Variants in MTDH observed in about 807,000 individuals in gnomAD.
MTDH encodes the protein metadherin.
Under a neutral mutation model 72.7 loss-of-function variants are expected in MTDH, and 34 were observed. The ratio of observed to expected loss-of-function variants is 0.47; its 90% CI spans 0.36 to 0.62. The LOEUF (loss-of-function observed/expected upper bound fraction) is 0.62, where lower values mean the gene tolerates loss of function less well. MTDH is among the 20% of genes least tolerant of loss of function. MTDH has a pLI of 0.00. For synonymous variants in MTDH, 266 were observed against 268.9 expected, an observed-to-expected ratio of 0.99 and a Z score of 0.10; for missense variants, 677 against 699.4, an observed-to-expected ratio of 0.97 and a Z score of 0.36.
At chr8:97,665,085 A>G (rs1183294991) in intron 2 of MTDH, among the ~76,000 whole-genome samples, 1 of 152,174 alleles carries the variant, frequency 6.6e-6, no homozygotes, top group Admixed American at 6.5e-5. Flanking sequence ...AAAGAAATAC[A>G]TCTTTGATCT....
intron 1 of MTDH, among the ~76,000 whole-genome samples, chr8:97,649,507 CCCTA>C: frequency 6.6e-6 from 1 of 152,300 alleles, no homozygotes; most frequent in East Asian, 1.9e-4. Flanking sequence ...CATGATCTAA[CCCTA>C]CCTTAGGCTT....
At chr8:97,697,321 A>G (rs1330795751) in intron 6 of MTDH, among the ~76,000 whole-genome samples, 1 of 149,378 alleles carries the variant, frequency 6.7e-6, no homozygotes, top group Non-Finnish European at 1.5e-5. Context: ...CTGTTGTAAC[A>G]GGAAAGCAAC....
At chr8:97,646,834 C>G (rs1301625062) in intron 1 of MTDH, among the ~76,000 whole-genome samples, 2 of 152,174 alleles carry the variant, frequency 1.3e-5, no homozygotes, top group Admixed American at 1.3e-4. Flanking sequence ...AGGAAGTATC[C>G]TTATCTACCA....
At chr8:97,707,600 G>C (rs1283547784) in intron 8 of MTDH, among the ~76,000 whole-genome samples, 1 of 151,818 alleles carries the variant, frequency 6.6e-6, no homozygotes, top group Non-Finnish European at 1.5e-5. Context: ...CATACATTCT[G>C]ATACAGCTAG....
At chr8:97,661,229 A>C (rs961012235) in intron 2 of MTDH, 56 bp downstream of exon 2, 1 of 1,255,846 alleles carries the variant, frequency 8.0e-7, no homozygotes, top group African/African-American at 1.5e-5. Flanking sequence ...ATGACATATA[A>C]GGATAATGCT....
chr8:97,669,861 G>A (rs1586222257), intron 2 of MTDH, among the ~76,000 whole-genome samples: 2 of 149,704 alleles, frequency 1.3e-5, no homozygotes, highest in African/African-American at 2.5e-5. Context: ...GGTTGCAGGC[G>A]GAGTGGAGCA....
At chr8:97,686,873 T>A in intron 3 of MTDH, 121 bp downstream of exon 3, 1 of 520,530 alleles carries the variant, frequency 1.9e-6, no homozygotes, top group Non-Finnish European at 3.3e-6. Flanking sequence ...TTTATTACTG[T>A]AGACCTTAAT....
chr8:97,711,006 A>G (rs1283340968), intron 8 of MTDH, among the ~76,000 whole-genome samples: 1 of 142,984 alleles, frequency 7.0e-6, no homozygotes, highest in Non-Finnish European at 1.5e-5. Flanking sequence ...TCTCAAAAAA[A>G]TAAATAGATA....
chr8:97,716,817 G>T (rs1381299868), intron 9 of MTDH, among the ~76,000 whole-genome samples: 3 of 152,070 alleles, frequency 2.0e-5, no homozygotes, highest in African/African-American at 7.2e-5. Context: ...GGATCCTCCT[G>T]CTTCAGCCTC....
chr8:97,698,369 A>G (rs976812647), intron 6 of MTDH, among the ~76,000 whole-genome samples: 3 of 152,158 alleles, frequency 2.0e-5, no homozygotes, highest in African/African-American at 2.4e-5. Context: ...ATTTATATCT[A>G]TAAAGCAAGG....
At chr8:97,685,762 A>G (rs550662748) in intron 2 of MTDH, among the ~76,000 whole-genome samples, 55 of 144,948 alleles carry the variant, frequency 3.8e-4, no homozygotes, top group African/African-American at 1.4e-3. Flanking sequence ...TCCATCTCAG[A>G]AAAAAAAAAA....
chr8:97,714,151 A>T (rs2131068690), intron 9 of MTDH, among the ~76,000 whole-genome samples: 1 of 152,292 alleles, frequency 6.6e-6, no homozygotes, highest in East Asian at 1.9e-4. Context: ...CTTTCACTTG[A>T]CTTTGAGTTT....
intron 2 of MTDH, among the ~76,000 whole-genome samples, chr8:97,663,934 CA>C (rs1207411125): frequency 3.3e-5 from 5 of 152,170 alleles, no homozygotes; most frequent in Non-Finnish European, 7.4e-5. Flanking sequence ...TATCTGACTT[CA>C]AAGTCTTTAC....
At chr8:97,695,357 C>T (rs1474618233) in intron 6 of MTDH, among the ~76,000 whole-genome samples, 2 of 152,080 alleles carry the variant, frequency 1.3e-5, no homozygotes, top group African/African-American at 2.4e-5. Flanking sequence ...CATAATCTGC[C>T]CGCCTCGGCC....
At chr8:97,672,733 G>A (rs781247430) in intron 2 of MTDH, among the ~76,000 whole-genome samples, 5 of 152,182 alleles carry the variant, frequency 3.3e-5, no homozygotes, top group South Asian at 2.1e-4. Context: ...AGATTGTGGC[G>A]AGAATGGGAT....
intron 2 of MTDH, among the ~76,000 whole-genome samples, chr8:97,666,472 T>C (rs1812392043): frequency 6.6e-6 from 1 of 152,218 alleles, no homozygotes; most frequent in Admixed American, 6.5e-5. Flanking sequence ...TCAGTTTCTC[T>C]AAGGCAGCAG....
At chr8:97,705,290 C>G (rs1814303700) in intron 7 of MTDH, among the ~76,000 whole-genome samples, 2 of 149,438 alleles carry the variant, frequency 1.3e-5, no homozygotes, top group Admixed American at 1.3e-4. Flanking sequence ...GAGTGAGACT[C>G]CATCTCAAAA....
intron 2 of MTDH, among the ~76,000 whole-genome samples, chr8:97,663,643 G>T (rs1255299915): frequency 6.6e-6 from 1 of 151,306 alleles, no homozygotes; most frequent in Admixed American, 6.6e-5. Context: ...CAGCTACTAG[G>T]GAGGCTGAGG....
At chr8:97,685,457 CT>C (rs1245193671) in intron 2 of MTDH, among the ~76,000 whole-genome samples, 1 of 152,078 alleles carries the variant, frequency 6.6e-6, no homozygotes, top group Non-Finnish European at 1.5e-5. Flanking sequence ...AAGCAGTTTT[CT>C]GTCATTGCTT....
Sources: gnomAD v4.1 joint callset for allele counts (sites outside exome capture counted in the v4.1 genomes callset) on GRCh38, gnomAD v4.1.1 for gene constraint, MANE v1.5 for transcripts, NCBI Gene and HGNC (gene_info 2026-07-23, HGNC 2026-07-21) for gene names.